The following SNX33 variants were observed in gnomAD, a reference collection of about 807,000 sequenced individuals.
The protein encoded by SNX33 is sorting nexin-33.
In SNX33, 19 loss-of-function variants were observed where a neutral mutation model predicts 38.8. The observed-to-expected ratio is 0.49, with a 90% CI of 0.34 to 0.72. The LOEUF is 0.72. SNX33 is among the 30% of genes least tolerant of loss of function. The probability of loss-of-function intolerance (pLI) is 0.01; values close to 1 mark genes in which losing one functional copy is unlikely to be tolerated. For missense variants in SNX33, 641 were observed against 776.4 expected (o/e 0.83, Z 2.07); for synonymous variants, 246 against 289.7 (o/e 0.85, Z 1.53).
At chr15:75,651,741 G>A (rs907607498) in intron 1 of SNX33, among the ~76,000 whole-genome samples, 5 of 152,224 alleles carry the variant, frequency 3.3e-5, no homozygotes, top group Non-Finnish European at 5.9e-5. Flanking sequence ...TTGGTAACTC[G>A]TCTGCAGGGC....
intron 1 of SNX33, among the ~76,000 whole-genome samples, chr15:75,656,488 A>G (rs953756572): frequency 6.6e-6 from 1 of 152,078 alleles, no homozygotes; most frequent in African/African-American, 2.4e-5. Context: ...AGCTTGGGAT[A>G]CCTCTTTAGA....
chr15:75,657,283 T>G lies in SNX33; in HGVS notation c.*68T>G, dbSNP rs1893666159. On this transcript the variant is annotated 3_prime_UTR_variant, in exon 2 of 2. Coordinates refer to ENST00000308527, the MANE Select transcript of SNX33 (RefSeq NM_153271.2). This position sits in a 1 kb window ranked among gnomAD's most constrained non-coding sequence, Gnocchi z 5.5. ...TGCAGTGTACCCCACTTTCCCGACCTCCCTATACCAGCAGTGACTGGGGGA... is the reference window on the plus strand; with the variant it reads ...TGCAGTGTACCCCACTTTCCCGACCGCCCTATACCAGCAGTGACTGGGGGA... The G allele has an allele frequency of 6.3e-7, 1 of 1,589,914 alleles. No homozygotes were observed. Among genetic ancestry groups the G allele is most frequent in the African/African-American group, 1.3e-5 (1 of 74,564 alleles).
intron 1 of SNX33, among the ~76,000 whole-genome samples, chr15:75,652,987 G>C (rs565061458): frequency 2.0e-5 from 3 of 152,228 alleles, no homozygotes; most frequent in African/African-American, 7.2e-5. Flanking sequence ...GTGTGTGGGA[G>C]GAAGGACAGT....
At position 75,652,138 on chromosome 15, in the gene SNX33, T is replaced by G. The variant is rs549475650; in HGVS notation, c.1471+1565T>G. On this transcript the variant is annotated intron_variant, in intron 1 of 1. Coordinates refer to ENST00000308527, the MANE Select transcript of SNX33 (RefSeq NM_153271.2). ...TCCCCGGGGAGTGCCTTTGCCCCTC[T>G]GGGCCTTAGTTTCCTGATCTGTAAA... 1.5e-4 allele frequency among the ~76,000 whole-genome samples: 23 copies of G among 152,230 alleles called. No individual in the cohort carries two copies. The South Asian group carries it at 4.6e-3, about 30-fold the overall frequency.
In SNX33 at chr15:75,657,370, G is replaced by A; in HGVS notation, c.*155G>A. 3.9e-6 allele frequency: 5 copies of A among 1,273,456 alleles called. No individual in the cohort carries two copies. Among genetic ancestry groups the A allele is most frequent in the Non-Finnish European group, 5.4e-6 (5 of 923,652 alleles). The allele number at this position is 1,273,456 out of a possible 1,614,324, so 78.9% of individuals were successfully genotyped here. A position where few individuals can be genotyped will look rare whatever the true frequency, so the allele number is the denominator to read the frequency against. ...CCTCCTGGGAGAAGGAGCTTTCAAG[G>A]AGTCATGGGTGCCCCTGGGAAATTC... On this transcript the variant is annotated 3_prime_UTR_variant, in exon 2 of 2. Coordinates refer to ENST00000308527, the MANE Select transcript of SNX33 (RefSeq NM_153271.2). This position sits in a 1 kb window ranked among gnomAD's most constrained non-coding sequence, Gnocchi z 5.5.
chr15:75,656,934 A>T, intron 1 of SNX33, 28 bp from the exon 2 acceptor site: 1 of 1,602,580 alleles, frequency 6.2e-7, no homozygotes, highest in Non-Finnish European at 8.5e-7. Context: ...GAGCCCTCAC[A>T]CGCTGTCCTC....
rs1278519009 is a variant in SNX33 at position 75,648,019 on chromosome 15, G to A, written c.-1084G>A. ...CGCCCCCCACTGGCCGGGCCCCGCA[G>A]GGCGGAGAGGAGGACGGACGGACAG... On this transcript the variant is annotated 5_prime_UTR_variant, in exon 1 of 2. Transcript: ENST00000308527. The surrounding 1 kb of genome is among the most constrained non-coding windows in gnomAD (Gnocchi z 4.4). 3.0e-6 allele frequency: 3 copies of A among 985,496 alleles called. No homozygotes were observed. Among genetic ancestry groups the A allele is most frequent in the Non-Finnish European group, 2.4e-6 (2 of 829,964 alleles). 61.0% of individuals were successfully genotyped at this position (985,496 alleles called of 1,614,324 possible). A position where few individuals can be genotyped will look rare whatever the true frequency, so the allele number is the denominator to read the frequency against.
In SNX33 at chr15:75,650,809, G is replaced by A. The variant is rs1036963648; in HGVS notation, c.1471+236G>A. On this transcript the variant is annotated intron_variant, in intron 1 of 1. Coordinates refer to ENST00000308527, the MANE Select transcript of SNX33 (RefSeq NM_153271.2). The surrounding 1 kb of genome is among the most constrained non-coding windows in gnomAD (Gnocchi z 6.1). ...AGGAGGTTGAGACTACAGTGAGCCC[G>A]ATTGTGCCACTGCACTCCAGCCTGG... 1.3e-5 allele frequency among the ~76,000 whole-genome samples: 2 copies of A among 152,188 alleles called. No individual in the cohort carries two copies.
At chr15:75,654,546 T>G (rs1893629056) in intron 1 of SNX33, among the ~76,000 whole-genome samples, 1 of 152,168 alleles carries the variant, frequency 6.6e-6, no homozygotes, top group Non-Finnish European at 1.5e-5. Context: ...CAACCCTCCT[T>G]TCTGCATTTT....
At position 75,660,764 on chromosome 15, in the gene SNX33, G is replaced by A. The variant is rs1239996700; in HGVS notation, c.*3549G>A. 1.3e-5 allele frequency: 2 copies of A among 152,412 alleles called. No homozygotes were observed. Among genetic ancestry groups the A allele is most frequent in the African/African-American group, 4.8e-5 (2 of 41,448 alleles). The allele number at this position is 152,412 out of a possible 1,614,324, so 9.4% of individuals were successfully genotyped here. ...GAGCAAAGGTGTCATAAGCATCTCT[G>A]TGCCTGGACTGCACCTGCATGACCT... On this transcript the variant is annotated 3_prime_UTR_variant, in exon 2 of 2. Coordinates refer to ENST00000308527, the MANE Select transcript of SNX33 (RefSeq NM_153271.2).
At position 75,657,227 on chromosome 15, in the gene SNX33, T is replaced by G. The variant is rs555606007; in HGVS notation, c.*12T>G. The stretch of plus-strand genomic sequence containing the variant: ...ATGACAACCTCTGACCGCGTGTGCC[T>G]GGGCCCCCTCCTTCCCCTGGGCCTG... On this transcript the variant is annotated 3_prime_UTR_variant, in exon 2 of 2. Coordinates refer to ENST00000308527, the MANE Select transcript of SNX33 (RefSeq NM_153271.2). The surrounding 1 kb of genome is among the most constrained non-coding windows in gnomAD (Gnocchi z 5.5). 1 of 1,613,198 alleles carries G rather than the reference T, an allele frequency of 6.2e-7. No homozygotes were observed. Among genetic ancestry groups the G allele is most frequent in the Non-Finnish European group, 8.5e-7 (1 of 1,179,314 alleles).
rs911295073 is a variant in SNX33 at position 75,658,348 on chromosome 15, G to C, written c.*1133G>C. On this transcript the variant is annotated 3_prime_UTR_variant, in exon 2 of 2. Coordinates refer to ENST00000308527, the MANE Select transcript of SNX33 (RefSeq NM_153271.2). This position sits in a 1 kb window ranked among gnomAD's most constrained non-coding sequence, Gnocchi z 4.1. ...CCTAAGAGGAAAAAGACAGGGGCCT[G>C]CTTGCCCAGCCATGCGAGGGATTCC... 7 of 152,668 alleles carry C rather than the reference G, an allele frequency of 4.6e-5. No homozygotes were observed. The highest frequency in any genetic ancestry group is 1.4e-4 in the African/African-American group (6 of 41,448). The allele number at this position is 152,668 out of a possible 1,614,324, so 9.5% of individuals were successfully genotyped here.
intron 1 of SNX33, among the ~76,000 whole-genome samples, chr15:75,652,698 G>A (rs913486060): frequency 6.6e-6 from 1 of 152,166 alleles, no homozygotes; most frequent in South Asian, 2.1e-4. Context: ...TTCCCTCCCC[G>A]GGAGGACCCC....
rs1394638182 is a variant in SNX33, at chr15:75,657,039, C to T, written c.1549C>T (p.Arg517Cys). 7 of 1,614,040 alleles carry T rather than the reference C, an allele frequency of 4.3e-6. No individual in the cohort carries two copies. The highest frequency in any genetic ancestry group is 5.9e-6 in the Non-Finnish European group (7 of 1,180,024). The change falls in exon 2 of 2, where the codon CGC (arginine) becomes TGC (cysteine). Residue 517 changes from arginine (R) to cysteine (C), a missense_variant. By Grantham distance (180) the Arg-to-Cys change is radical. Around this residue, in one of 2 missense-constraint regions of SNX33, gnomAD observed 398 missense variants for 542.5 expected, o/e 0.73. Coordinates refer to ENST00000308527, the MANE Select transcript of SNX33 (RefSeq NM_153271.2). This position sits in a 1 kb window ranked among gnomAD's most constrained non-coding sequence, Gnocchi z 5.5. ...GGTGCAGGACGAGGCAGACGGCATTCGCAGGCGCTGCCGCGTGGTGGGTTT... is the reference window on the plus strand; with the variant it reads ...GGTGCAGGACGAGGCAGACGGCATTTGCAGGCGCTGCCGCGTGGTGGGTTT... ...RMVQDEADGI[R>C]RRCRVVGFAL... is the part of the protein sequence containing the mutation.
chr15:75,659,475 T>C lies in SNX33; in HGVS notation c.*2260T>C, dbSNP rs942068259. 6.6e-6 allele frequency: 1 copy of C among 152,346 alleles called. No individual in the cohort carries two copies. Among genetic ancestry groups the C allele is most frequent in the Non-Finnish European group, 1.5e-5 (1 of 68,168 alleles). The allele number at this position is 152,346 out of a possible 1,614,324, so 9.4% of individuals were successfully genotyped here. A position where few individuals can be genotyped will look rare whatever the true frequency, so the allele number is the denominator to read the frequency against. Reference sequence around the variant, plus strand: ...CAACATTAGGTCAGATTTGGGACTTTCTGAGGAATTTTCCCCTCTCTCCAC... The same window carrying C: ...CAACATTAGGTCAGATTTGGGACTTCCTGAGGAATTTTCCCCTCTCTCCAC... On this transcript the variant is annotated 3_prime_UTR_variant, in exon 2 of 2. Transcript: ENST00000308527.
intron 1 of SNX33, among the ~76,000 whole-genome samples, chr15:75,656,548 C>T (rs773336289): frequency 1.6e-4 from 24 of 152,022 alleles, no homozygotes; most frequent in Non-Finnish European, 3.4e-4. Context: ...GGAGACGTGG[C>T]GGGGCTGTTG....
chr15:75,650,745 G>A lies in SNX33; in HGVS notation c.1471+172G>A, dbSNP rs1260741255. ...ACGGTGGCTTACGCTTGTAATCTCA[G>A]CACTTTGGGAGGTTGAAGTAGGAGG... On this transcript the variant is annotated intron_variant, in intron 1 of 1. Transcript: ENST00000308527. The surrounding 1 kb of genome is among the most constrained non-coding windows in gnomAD (Gnocchi z 6.1). 2.0e-5 allele frequency among the ~76,000 whole-genome samples: 3 copies of A among 152,294 alleles called. No homozygotes were observed. The East Asian group carries it at 5.8e-4, about 29-fold the overall frequency.
chr15:75,649,805 G>A lies in SNX33; in HGVS notation c.703G>A (p.Glu235Lys). Reference sequence around the variant, plus strand: ...TCCCCACCCATTTGCCTGCTCTGTGGAGGACCCCACAAAACAGACCAAATT... The same window carrying A: ...TCCCCACCCATTTGCCTGCTCTGTGAAGGACCCCACAAAACAGACCAAATT... Reference protein sequence around the residue: ...ANPHPFACSVEDPTKQTKFKG... With the variant: ...ANPHPFACSVKDPTKQTKFKG... The change falls in exon 1 of 2, where the codon GAG becomes AAG. Residue 235 changes from glutamate (E) to lysine (K), a missense_variant. By Grantham distance (56) the Glu-to-Lys change is moderately conservative. This residue lies in a region of SNX33 where 398 missense variants were observed against 542.5 expected (regional missense o/e 0.73). Coordinates refer to ENST00000308527, the MANE Select transcript of SNX33 (RefSeq NM_153271.2). The surrounding 1 kb of genome is among the most constrained non-coding windows in gnomAD (Gnocchi z 6.6). 1 of 1,523,276 alleles carries A rather than the reference G, an allele frequency of 6.6e-7. No individual in the cohort carries two copies. Among genetic ancestry groups the A allele is most frequent in the Non-Finnish European group, 8.8e-7 (1 of 1,135,852 alleles). 94.4% of individuals were successfully genotyped at this position (1,523,276 alleles called of 1,614,324 possible).
At chr15:75,655,733 AAGG>A (rs1256537337) in intron 1 of SNX33, among the ~76,000 whole-genome samples, 1 of 152,164 alleles carries the variant, frequency 6.6e-6, no homozygotes, top group Non-Finnish European at 1.5e-5. Flanking sequence ...GCCCTCCTTA[AAGG>A]AGAAGTGGGA....
Sources: allele counts gnomAD v4.1 joint callset (sites outside exome capture counted in the v4.1 genomes callset), GRCh38; gene constraint gnomAD v4.1.1; regional missense constraint gnomAD v4.1.1; non-coding constraint Gnocchi (gnomAD v3.1); transcripts MANE v1.5; gene names NCBI Gene and HGNC (gene_info 2026-07-23, HGNC 2026-07-21).